ERAP1: variants seen among roughly 807,000 people sequenced by gnomAD.
The protein encoded by ERAP1 is endoplasmic reticulum aminopeptidase 1, also known as adipocyte-derived leucine aminopeptidase.
Under a neutral mutation model 103.7 loss-of-function variants are expected in ERAP1, and 86 were observed. The observed-to-expected ratio is 0.83, with a 90% CI of 0.70 to 0.99. The LOEUF (loss-of-function observed/expected upper bound fraction) is 0.99. ERAP1 is among the 50% of genes least tolerant of loss of function. ERAP1 has a pLI of 0.00. For synonymous variants in ERAP1, 398 were observed against 402.4 expected, an observed-to-expected ratio of 0.99 and a Z score of 0.13; for missense variants, 1,009 against 1,128.4, an observed-to-expected ratio of 0.89 and a Z score of 1.52.
chr5:96,815,913 C>T, the ERAP1 span, among the ~76,000 whole-genome samples: 3 of 151,794 alleles, frequency 2.0e-5, no homozygotes, highest in Non-Finnish European at 2.9e-5. Context: ...TGTGGATAGA[C>T]GGATGGATGG....
chr5:96,930,934 T>C, the ERAP1 span, among the ~76,000 whole-genome samples: 1 of 152,254 alleles, frequency 6.6e-6, no homozygotes, highest in South Asian at 2.1e-4. Flanking sequence ...GGTTTTTTAT[T>C]AGGCAAAGTG....
At chr5:96,830,323 T>C in the ERAP1 span, among the ~76,000 whole-genome samples, 62,160 of 152,018 alleles carry the variant, frequency 0.41, 13,131 homozygotes, top group Non-Finnish European at 0.47. Flanking sequence ...AAATAATACC[T>C]TAGGCCTCGA....
At chr5:96,798,830 T>C (rs1456959024) in intron 3 of ERAP1, among the ~76,000 whole-genome samples, 2 of 151,738 alleles carry the variant, frequency 1.3e-5, no homozygotes, top group African/African-American at 4.8e-5. Context: ...TCTTTTCTTT[T>C]TAAATGCATT....
chr5:96,885,178 C>A, the ERAP1 span, among the ~76,000 whole-genome samples: 1 of 152,142 alleles, frequency 6.6e-6, no homozygotes, highest in East Asian at 1.9e-4. Flanking sequence ...GACGTATTTC[C>A]CCATAGTCTC....
chr5:96,863,735 G>A, the ERAP1 span, among the ~76,000 whole-genome samples: 1 of 151,788 alleles, frequency 6.6e-6, no homozygotes, highest in Non-Finnish European at 1.5e-5. Context: ...TGATTTTTAT[G>A]TGAAAATTGT....
the ERAP1 span, among the ~76,000 whole-genome samples, chr5:96,842,384 A>G: frequency 6.6e-6 from 1 of 152,202 alleles, no homozygotes. Flanking sequence ...TGGCAGTTGT[A>G]CTAGTTTACT....
At chr5:96,837,683 G>A in the ERAP1 span, among the ~76,000 whole-genome samples, 2 of 152,162 alleles carry the variant, frequency 1.3e-5, no homozygotes, top group African/African-American at 4.8e-5. Flanking sequence ...GTCAGTGGAC[G>A]GCTTAAGTGT....
At chr5:96,783,829 AC>A in intron 14 of ERAP1, 94 bp downstream of exon 14, 1 of 298,054 alleles carries the variant, frequency 3.4e-6, no homozygotes, top group Non-Finnish European at 6.9e-6. Flanking sequence ...ACACACACAC[AC>A]ACACACACAC....
chr5:96,794,047 C>T (rs1777037858), intron 5 of ERAP1, 90 bp from the exon 6 acceptor site: 1 of 1,329,630 alleles, frequency 7.5e-7, no homozygotes, highest in Non-Finnish European at 1.1e-6. Flanking sequence ...GTGTTTGAAC[C>T]AGCTGCCCGT....
chr5:96,931,411 C>T, the ERAP1 span, among the ~76,000 whole-genome samples: 5 of 152,264 alleles, frequency 3.3e-5, no homozygotes, highest in East Asian at 7.7e-4. Flanking sequence ...CCCACCTTGG[C>T]CTCCCAAAGT....
At chr5:96,880,378 A>G in the ERAP1 span, 1 of 911,424 alleles carries the variant, frequency 1.1e-6, no homozygotes, top group Non-Finnish European at 1.6e-6. Context: ...ACTATGGGGA[A>G]CCCAGAAGAA....
At chr5:96,866,586 T>C in the ERAP1 span, among the ~76,000 whole-genome samples, 1 of 152,186 alleles carries the variant, frequency 6.6e-6, no homozygotes, top group African/African-American at 2.4e-5. Flanking sequence ...GTTGCTTTAG[T>C]AATAGCCAAT....
At chr5:96,922,421 A>G in the ERAP1 span, among the ~76,000 whole-genome samples, 1 of 152,250 alleles carries the variant, frequency 6.6e-6, no homozygotes, top group Non-Finnish European at 1.5e-5. Flanking sequence ...TTTAAAACTC[A>G]AAAATGGAAA....
chr5:96,830,064 T>C, the ERAP1 span, among the ~76,000 whole-genome samples: 1 of 152,146 alleles, frequency 6.6e-6, no homozygotes, highest in Admixed American at 6.5e-5. Flanking sequence ...TTGAAAGACA[T>C]TTCAAGAAGT....
In ERAP1 at chr5:96,786,008, C is replaced by T. The variant is rs575137259; in HGVS notation, c.1760-37G>A. On this transcript the variant is annotated intron_variant, in intron 12 of 18. Coordinates refer to ENST00000443439, the MANE Select transcript of ERAP1 (RefSeq NM_001040458.3). ...AAAATAAATCAAAGTTCCATTTGCT[C>T]CCCTGCCTGAAGAAAGCTTTTCTCA... 14 of 1,601,608 alleles carry T rather than the reference C, an allele frequency of 8.7e-6. No homozygotes were observed. In the African/African-American group the frequency reaches 1.5e-4, roughly 17 times the overall value.
At chr5:96,814,100 G>A in the ERAP1 span, 1 of 341,754 alleles carries the variant, frequency 2.9e-6, no homozygotes, top group Non-Finnish European at 5.8e-6. Flanking sequence ...CAATCAAGAT[G>A]ATGACTGGAG....
the ERAP1 span, among the ~76,000 whole-genome samples, chr5:96,884,899 G>A: frequency 1.3e-5 from 2 of 152,198 alleles, no homozygotes; most frequent in Non-Finnish European, 2.9e-5. Flanking sequence ...TGCCATGCAA[G>A]TAAACTTCTG....
chr5:96,897,427 T>G, the ERAP1 span, among the ~76,000 whole-genome samples: 2 of 152,250 alleles, frequency 1.3e-5, no homozygotes, highest in Non-Finnish European at 1.5e-5. Flanking sequence ...TTCGTTTGCC[T>G]GTCTGCTAAA....
Position 96,790,618 on chromosome 5 carries a change from C to G in ERAP1, c.1346G>C (p.Arg449Thr). The change falls in exon 9 of 19, where the codon AGG (arginine) becomes ACG (threonine). Residue 449 changes from arginine (R) to threonine (T), a missense_variant. Arg to Thr is a moderately conservative substitution (Grantham distance 71). Transcript: ENST00000443439. ...DKGACILNML[R>T]EYLSADAFKS... ...AAATGCGTCAGCACTAAGATACTCC[C>G]TTAGCATATTCAGAATACAAGCTCC... 1 of 1,610,730 alleles carries G rather than the reference C, an allele frequency of 6.2e-7. No homozygotes were observed. Among genetic ancestry groups the G allele is most frequent in the Non-Finnish European group, 8.5e-7 (1 of 1,176,950 alleles).
Sources: gnomAD v4.1 joint callset for allele counts (sites outside exome capture counted in the v4.1 genomes callset) on GRCh38, gnomAD v4.1.1 for gene constraint, MANE v1.5 for transcripts, NCBI Gene and HGNC (gene_info 2026-07-23, HGNC 2026-07-21) for gene names.